Variants in LRRC38 observed in about 807,000 individuals in gnomAD.
The protein encoded by LRRC38 is leucine rich repeat containing 38, also known as leucine-rich repeat-containing protein 38.
In LRRC38, 5 loss-of-function variants were observed where a neutral mutation model predicts 16.4. The observed-to-expected ratio is 0.31, with a 90% CI of 0.16 to 0.64. LRRC38 has a LOEUF of 0.64. Among genes scored for constraint, LRRC38 ranks in the 30% least tolerant of loss-of-function variants. LRRC38 has a pLI of 0.80. For synonymous variants in LRRC38, 191 were observed against 190.2 expected (o/e 1.00, Z -0.04); for missense variants, 341 against 401.8 (o/e 0.85, Z 1.29).
At chr1:13,506,595 T>C (rs949979994) in intron 1 of LRRC38, among the ~76,000 whole-genome samples, 2 of 152,152 alleles carry the variant, frequency 1.3e-5, no homozygotes, top group African/African-American at 4.8e-5. Context: ...GTAGCTGGGA[T>C]TACAGGTGCA....
At chr1:13,492,787 C>T (rs765816165) in intron 1 of LRRC38, among the ~76,000 whole-genome samples, 8 of 152,228 alleles carry the variant, frequency 5.3e-5, no homozygotes, top group Non-Finnish European at 8.8e-5. Flanking sequence ...TCATCCAGGA[C>T]CTGTTTGACT....
chr1:13,481,946 T>A (rs1419556181), intron 1 of LRRC38, among the ~76,000 whole-genome samples: 1 of 152,116 alleles, frequency 6.6e-6, no homozygotes, highest in African/African-American at 2.4e-5. Flanking sequence ...TGTGAGGAAA[T>A]AAATGCCTGC....
At chr1:13,503,391 C>T (rs1639173701) in intron 1 of LRRC38, among the ~76,000 whole-genome samples, 1 of 152,206 alleles carries the variant, frequency 6.6e-6, no homozygotes, top group Admixed American at 6.5e-5. Context: ...GCCTCAGCCT[C>T]CCGAGTAGCT....
chr1:13,502,778 G>C (rs1268530209), intron 1 of LRRC38, among the ~76,000 whole-genome samples: 1 of 152,212 alleles, frequency 6.6e-6, no homozygotes, highest in East Asian at 1.9e-4. Flanking sequence ...AGGGAAGTTA[G>C]GTGACCTGTC....
intron 1 of LRRC38, 24 bp downstream of exon 1, chr1:13,512,939 C>CCCCGCCTAG: frequency 6.6e-7 from 1 of 1,524,980 alleles, no homozygotes; most frequent in Non-Finnish European, 8.8e-7. Flanking sequence ...CCCTCCCTCC[C>CCCCGCCTAG]CCAGCCTAGC....
intron 1 of LRRC38, among the ~76,000 whole-genome samples, chr1:13,481,552 C>A (rs902050311): frequency 6.6e-6 from 1 of 151,486 alleles, no homozygotes; most frequent in African/African-American, 2.4e-5. Context: ...CCACCACGCC[C>A]GGCTAATTTT....
intron 1 of LRRC38, among the ~76,000 whole-genome samples, chr1:13,485,694 C>T (rs531081498): frequency 2.2e-4 from 33 of 152,306 alleles, no homozygotes; most frequent in African/African-American, 7.7e-4. Context: ...ATGCTACCTC[C>T]ATTGGTGGCC....
chr1:13,486,159 G>A (rs658755), intron 1 of LRRC38, among the ~76,000 whole-genome samples: 6,054 of 152,106 alleles, frequency 0.04, 398 homozygotes, highest in African/African-American at 0.14. Flanking sequence ...GGCTGGTCTC[G>A]AACTCTTCTG....
chr1:13,501,844 T>C (rs1639154267), intron 1 of LRRC38, among the ~76,000 whole-genome samples: 1 of 152,106 alleles, frequency 6.6e-6, no homozygotes, highest in South Asian at 2.1e-4. Flanking sequence ...TGGCACGATC[T>C]GCACCATTCC....
intron 1 of LRRC38, among the ~76,000 whole-genome samples, chr1:13,481,784 TCTCC>T (rs879909951): frequency 0.043 from 1,202 of 27,892 alleles, 20 homozygotes; most frequent in East Asian, 0.13. Flanking sequence ...TCTCTCCCTC[TCTCC>T]CTCTCTCTCT....
chr1:13,492,526 C>A (rs1639026196), intron 1 of LRRC38, among the ~76,000 whole-genome samples: 1 of 152,012 alleles, frequency 6.6e-6, no homozygotes, highest in Non-Finnish European at 1.5e-5. Flanking sequence ...CATGGCACAA[C>A]CCCCATGTCT....
chr1:13,498,264 C>G (rs1018218165), intron 1 of LRRC38, among the ~76,000 whole-genome samples: 2 of 151,834 alleles, frequency 1.3e-5, no homozygotes, highest in Non-Finnish European at 2.9e-5. Context: ...AAAAAAAGAG[C>G]CCAGTTTGTG....
chr1:13,499,561 C>A (rs1557502604), intron 1 of LRRC38, among the ~76,000 whole-genome samples: 2 of 152,166 alleles, frequency 1.3e-5, no homozygotes, highest in Admixed American at 6.5e-5. Flanking sequence ...TTGTCAGGAT[C>A]CCAGCATGGC....
chr1:13,478,645 A>G (rs1638814815), intron 1 of LRRC38, among the ~76,000 whole-genome samples: 1 of 151,986 alleles, frequency 6.6e-6, no homozygotes, highest in African/African-American at 2.4e-5. Context: ...CTGACCCTTA[A>G]CCCATTTCCA....
rs1207075128 is a variant in LRRC38 at position 13,476,079 on chromosome 1, A to T, written c.652T>A (p.Ser218Thr). 6.4e-7 allele frequency: 1 copy of T among 1,550,564 alleles called. No individual in the cohort carries two copies. The highest frequency in any genetic ancestry group is 2.0e-5 in the Admixed American group (1 of 50,990). Residue 218 changes from serine to threonine, a missense_variant, in exon 2 of 2, where the codon TCC (serine) becomes ACC (threonine). Physicochemically the swap from Ser to Thr is moderately conservative, Grantham distance 58. Coordinates refer to ENST00000376085, the MANE Select transcript of LRRC38 (RefSeq NM_001010847.2). ...ATCCTCCTGCTCTCCATGGGCAGGG[A>T]GCACTGGATTTCATCAAGGCCTGAG... ...LPKGLDEIQC[S>T]LPMESRRISL...
chr1:13,496,447 C>T (rs1569928188), intron 1 of LRRC38, among the ~76,000 whole-genome samples: 1 of 152,134 alleles, frequency 6.6e-6, no homozygotes, highest in African/African-American at 2.4e-5. Flanking sequence ...GCTGGGATTA[C>T]AGGCTGAGCC....
intron 1 of LRRC38, among the ~76,000 whole-genome samples, chr1:13,502,895 C>T (rs1238265088): frequency 6.6e-6 from 1 of 152,222 alleles, no homozygotes; most frequent in Non-Finnish European, 1.5e-5. Context: ...TGTAGATGAT[C>T]TAAAAGCACA....
intron 1 of LRRC38, among the ~76,000 whole-genome samples, chr1:13,493,266 G>A (rs886495236): frequency 4.6e-5 from 7 of 152,036 alleles, no homozygotes; most frequent in South Asian, 4.1e-4. Flanking sequence ...AGCGGGGCTC[G>A]GTGCTGCAGC....
intron 1 of LRRC38, among the ~76,000 whole-genome samples, chr1:13,496,181 G>A (rs1438617519): frequency 6.6e-6 from 1 of 151,898 alleles, no homozygotes; most frequent in East Asian, 1.9e-4. Flanking sequence ...TACGGAGAGA[G>A]AGAGATAGAG....
Sources: gnomAD v4.1 joint callset for allele counts (sites outside exome capture counted in the v4.1 genomes callset) on GRCh38, gnomAD v4.1.1 for gene constraint, MANE v1.5 for transcripts, NCBI Gene and HGNC (gene_info 2026-07-23, HGNC 2026-07-21) for gene names.